The following RNF125 variants were observed in gnomAD, a reference collection of about 807,000 sequenced individuals.
RNF125 encodes ring finger protein 125.
A neutral mutation model predicts 26.0 loss-of-function variants in RNF125; 21 were observed. The ratio of observed to expected loss-of-function variants is 0.81; its 90% CI spans 0.57 to 1.16. The LOEUF is 1.16. Among genes scored for constraint, RNF125 ranks in the 50% most tolerant of loss-of-function variants. RNF125 has a pLI of 0.00. For missense variants in RNF125, 270 were observed against 299.4 expected, an observed-to-expected ratio of 0.90 and a Z score of 0.72; for synonymous variants, 95 against 109.2, an observed-to-expected ratio of 0.87 and a Z score of 0.81.
At chr18:32,059,086 G>A (rs1339365036) in intron 4 of RNF125, among the ~76,000 whole-genome samples, 1 of 152,196 alleles carries the variant, frequency 6.6e-6, no homozygotes, top group Admixed American at 6.5e-5. Context: ...AAAAATGGGA[G>A]TGCGGATATT....
intron 1 of RNF125, among the ~76,000 whole-genome samples, chr18:32,032,930 T>C (rs2039113312): frequency 6.6e-6 from 1 of 152,110 alleles, no homozygotes. Flanking sequence ...CAAGAAAGTT[T>C]AGGGTGAGGG....
rs200128995 is a variant in RNF125, at chr18:32,025,018, C to T, written c.164+5991C>T. On this transcript the variant is annotated intron_variant, in intron 1 of 5. Transcript: ENST00000217740. ...GGCAGAGGTTGCAGTGAGCTGAGAT[C>T]GCACCACTGCACTCCAGCCTGGGTG... is the stretch of plus-strand genomic sequence containing the variant. Among the ~76,000 whole-genome samples the T allele has an allele frequency of 1.6e-4, 24 of 151,938 alleles. No homozygotes were observed. The East Asian group carries it at 3.3e-3, about 21-fold the overall frequency.
intron 4 of RNF125, among the ~76,000 whole-genome samples, chr18:32,047,007 T>G (rs937919579): frequency 6.6e-6 from 1 of 152,142 alleles, no homozygotes; most frequent in African/African-American, 2.4e-5. Context: ...TAGATGGGAC[T>G]GTGGGCACGT....
chr18:32,071,769 T>C lies in RNF125; in HGVS notation c.*3385T>C, dbSNP rs1439764314. On this transcript the variant is annotated 3_prime_UTR_variant, in exon 6 of 6. Transcript: ENST00000217740. ...AAATGTAAAGCTGAATGAAATCTAGTGAGCCTCATATCCTCCCTTTTAGAT... is the reference window on the plus strand; with the variant it reads ...AAATGTAAAGCTGAATGAAATCTAGCGAGCCTCATATCCTCCCTTTTAGAT... 1.3e-5 allele frequency: 2 copies of C among 152,208 alleles called. No homozygotes were observed. The highest frequency in any genetic ancestry group is 4.8e-5 in the African/African-American group (2 of 41,458). The allele number at this position is 152,208 out of a possible 1,614,324, so 9.4% of individuals were successfully genotyped here.
At chr18:32,060,415 A>G (rs139173676) in intron 4 of RNF125, among the ~76,000 whole-genome samples, 1 of 152,348 alleles carries the variant, frequency 6.6e-6, no homozygotes, top group African/African-American at 2.4e-5. Context: ...TCTTAGAAAC[A>G]GTTTTCAATT....
At chr18:32,088,020 G>T in the RNF125 span, among the ~76,000 whole-genome samples, 1 of 152,218 alleles carries the variant, frequency 6.6e-6, no homozygotes, top group South Asian at 2.1e-4. Context: ...TTGGATTTTT[G>T]GCTTCTTCTG....
chr18:32,087,333 A>T, the RNF125 span, among the ~76,000 whole-genome samples: 1 of 150,924 alleles, frequency 6.6e-6, no homozygotes, highest in Non-Finnish European at 1.5e-5. Context: ...CAGCAAATTA[A>T]TGAAACCCAA....
chr18:32,036,674 G>A (rs902865668), intron 1 of RNF125, among the ~76,000 whole-genome samples: 1 of 148,328 alleles, frequency 6.7e-6, no homozygotes, highest in African/African-American at 2.5e-5. Context: ...AGGGAGGGAA[G>A]GAGAAAATGG....
chr18:32,030,565 C>G (rs1598809857), intron 1 of RNF125, among the ~76,000 whole-genome samples: 1 of 152,302 alleles, frequency 6.6e-6, no homozygotes, highest in East Asian at 1.9e-4. Flanking sequence ...CATTTGCAAT[C>G]CCACTGTAAA....
At chr18:32,052,574 T>A (rs1046307503) in intron 4 of RNF125, among the ~76,000 whole-genome samples, 85 of 152,090 alleles carry the variant, frequency 5.6e-4, no homozygotes, top group African/African-American at 2.1e-3. Context: ...TTTCAGTGCA[T>A]GTTCCTTTTT....
intron 4 of RNF125, among the ~76,000 whole-genome samples, chr18:32,046,213 T>G (rs1598817587): frequency 4.1e-5 from 1 of 24,510 alleles, no homozygotes; most frequent in Non-Finnish European, 7.7e-5. Flanking sequence ...CAAGACTGTC[T>G]CAAAAAAAAA....
At chr18:32,050,899 T>TTTG (rs2039320101) in intron 4 of RNF125, among the ~76,000 whole-genome samples, 1 of 96,018 alleles carries the variant, frequency 1.0e-5, no homozygotes, top group African/African-American at 4.7e-5. Context: ...TTTTTTTTTT[T>TTTG]GAAGAGACGG....
intron 1 of RNF125, among the ~76,000 whole-genome samples, chr18:32,030,306 G>T (rs578116898): frequency 8.1e-4 from 124 of 152,308 alleles, no homozygotes; most frequent in South Asian, 6.2e-3. Flanking sequence ...CCCTCCCAAA[G>T]TGCTGGGATT....
the RNF125 span, among the ~76,000 whole-genome samples, chr18:32,088,914 G>A: frequency 6.6e-6 from 1 of 152,170 alleles, no homozygotes; most frequent in East Asian, 1.9e-4. Flanking sequence ...TCATTCTGGG[G>A]GGGAAAGGTG....
intron 1 of RNF125, among the ~76,000 whole-genome samples, chr18:32,025,399 C>T (rs986217608): frequency 2.0e-5 from 3 of 150,336 alleles, no homozygotes; most frequent in Admixed American, 2.0e-4. Flanking sequence ...CGTGGTGGCT[C>T]ACGCCTGTAA....
In RNF125 at chr18:32,045,631, G is replaced by A; in HGVS notation, c.414-11G>A. Reference sequence around the variant, plus strand: ...CATTTTAATATTATTTGTATTCTGTGCTATTTCCAGGTGTGTATGTCCCTT... The same window carrying A: ...CATTTTAATATTATTTGTATTCTGTACTATTTCCAGGTGTGTATGTCCCTT... On this transcript the variant is annotated splice_polypyrimidine_tract_variant and intron_variant, in intron 3 of 5. Coordinates refer to ENST00000217740, the MANE Select transcript of RNF125 (RefSeq NM_017831.4). The A allele has an allele frequency of 6.4e-7, 1 of 1,572,924 alleles. No individual in the cohort carries two copies. The highest frequency in any genetic ancestry group is 8.7e-7 in the Non-Finnish European group (1 of 1,149,314).
Position 32,072,285 on chromosome 18 carries a change from A to G in RNF125, c.*3901A>G, listed in dbSNP as rs2039540655. On this transcript the variant is annotated 3_prime_UTR_variant, in exon 6 of 6. Coordinates refer to ENST00000217740, the MANE Select transcript of RNF125 (RefSeq NM_017831.4). Reference sequence around the variant, plus strand: ...AAAAGGAGAGGAATTTTTCAGGAATAATCATAAAAAGAAATGATCATCAGA... The same window carrying G: ...AAAAGGAGAGGAATTTTTCAGGAATGATCATAAAAAGAAATGATCATCAGA... 6.6e-6 allele frequency: 1 copy of G among 152,198 alleles called. No homozygotes were observed. The highest frequency in any genetic ancestry group is 2.4e-5 in the African/African-American group (1 of 41,464). The allele number at this position is 152,198 out of a possible 1,614,324, so 9.4% of individuals were successfully genotyped here. A position where few individuals can be genotyped will look rare whatever the true frequency, so the allele number is the denominator to read the frequency against.
At chr18:32,088,223 A>C in the RNF125 span, among the ~76,000 whole-genome samples, 2 of 152,330 alleles carry the variant, frequency 1.3e-5, no homozygotes, top group Middle Eastern at 6.8e-3. Context: ...GGAAAATGGT[A>C]CTGGTACAAA....
At chr18:32,053,480 C>A (rs2039348524) in intron 4 of RNF125, among the ~76,000 whole-genome samples, 1 of 152,090 alleles carries the variant, frequency 6.6e-6, no homozygotes, top group African/African-American at 2.4e-5. Context: ...GGAAAACTGT[C>A]AACTGTAGGC....
Sources: allele counts gnomAD v4.1 joint callset (sites outside exome capture counted in the v4.1 genomes callset), GRCh38; gene constraint gnomAD v4.1.1; transcripts MANE v1.5; gene names NCBI Gene and HGNC (gene_info 2026-07-23, HGNC 2026-07-21).